The following IRF2 variants were observed in gnomAD, a reference collection of about 807,000 sequenced individuals.
IRF2 encodes the protein interferon regulatory factor 2.
In IRF2, 15 loss-of-function variants were observed where a neutral mutation model predicts 40.6. The ratio of observed to expected loss-of-function variants is 0.37; its 90% CI spans 0.25 to 0.57. IRF2 has a LOEUF of 0.57. IRF2 is among the 20% of genes least tolerant of loss of function. The pLI is 0.77. For synonymous variants in IRF2, 151 were observed against 165.5 expected (o/e 0.91, Z 0.67); for missense variants, 317 against 455.7 (o/e 0.70, Z 2.77).
intron 8 of IRF2, among the ~76,000 whole-genome samples, chr4:184,390,115 T>C (rs1290198277): frequency 6.6e-6 from 1 of 152,070 alleles, no homozygotes; most frequent in Non-Finnish European, 1.5e-5. Flanking sequence ...TCTCTCTCTC[T>C]CATTCACTCA....
chr4:184,425,814 TGA>T (rs1026083608), intron 2 of IRF2, among the ~76,000 whole-genome samples: 32 of 152,294 alleles, frequency 2.1e-4, no homozygotes, highest in African/African-American at 7.2e-4. Context: ...GCATCTCAAC[TGA>T]GAGTCCCAGA....
chr4:184,447,213 G>C (rs1738543826), intron 1 of IRF2, among the ~76,000 whole-genome samples: 1 of 152,094 alleles, frequency 6.6e-6, no homozygotes, highest in Non-Finnish European at 1.5e-5. Flanking sequence ...GGGCTCAAAA[G>C]ATAATAGCAA....
intron 1 of IRF2, among the ~76,000 whole-genome samples, chr4:184,461,509 G>A (rs1579114386): frequency 6.6e-6 from 1 of 152,256 alleles, no homozygotes; most frequent in East Asian, 1.9e-4. Context: ...GCTCCTAACT[G>A]TAAGGAATGC....
At chr4:184,425,698 G>A (rs1737643537) in intron 2 of IRF2, among the ~76,000 whole-genome samples, 1 of 152,264 alleles carries the variant, frequency 6.6e-6, no homozygotes, top group African/African-American at 2.4e-5. Context: ...CGCTCAGCAG[G>A]TAAGGACTGC....
In IRF2 at chr4:184,419,569, C is replaced by T. The variant is rs2149900581; in HGVS notation, c.88-1G>A. ...AGGGGATCTGAAAAATCTTCTTTTC[C>T]TGAAAAAAAAAAAAAAAAAAAAGGT... On this transcript the variant is annotated splice_acceptor_variant, in intron 2 of 8. Transcript: ENST00000393593. LOFTEE classifies it high-confidence loss of function. The T allele has an allele frequency of 2.1e-6, 2 of 967,610 alleles. No homozygotes were observed. Among genetic ancestry groups the T allele is most frequent in the South Asian group, 1.6e-5 (1 of 63,172 alleles). 59.9% of individuals were successfully genotyped at this position (967,610 alleles called of 1,614,324 possible).
At chr4:184,473,642 G>A (rs1348745711) in intron 1 of IRF2, among the ~76,000 whole-genome samples, 3 of 147,802 alleles carry the variant, frequency 2.0e-5, no homozygotes, top group Non-Finnish European at 3.0e-5. Context: ...GCCCGGCTCC[G>A]AGCCCGCCCT....
intron 7 of IRF2, among the ~76,000 whole-genome samples, chr4:184,391,741 C>T (rs747056704): frequency 5.3e-5 from 8 of 152,216 alleles, no homozygotes; most frequent in South Asian, 2.1e-4. Flanking sequence ...AAATGTGTGT[C>T]GCTTCAAGCC....
intron 7 of IRF2, 44 bp from the exon 8 acceptor site, chr4:184,390,793 CA>C: frequency 6.2e-7 from 1 of 1,604,302 alleles, no homozygotes; most frequent in South Asian, 1.1e-5. Flanking sequence ...TCCTGTCCCT[CA>C]AGCTGTCCCC....
In IRF2 at chr4:184,408,291, G is replaced by C. The variant is rs1190853883; in HGVS notation, c.412-16C>G. 6.8e-7 allele frequency: 1 copy of C among 1,481,184 alleles called. No individual in the cohort carries two copies. The highest frequency in any genetic ancestry group is 1.2e-5 in the South Asian group (1 of 86,844). 91.8% of individuals were successfully genotyped at this position (1,481,184 alleles called of 1,614,324 possible). ...CTGGTTCTTGCTAGGAAGAAGAAAAGAAAAAAGAATTGAGAACACTTCCTT... is the reference window on the plus strand; with the variant it reads ...CTGGTTCTTGCTAGGAAGAAGAAAACAAAAAAGAATTGAGAACACTTCCTT... On this transcript the variant is annotated splice_polypyrimidine_tract_variant and intron_variant, in intron 5 of 8. Transcript: ENST00000393593. This position sits in a 1 kb window ranked among gnomAD's most constrained non-coding sequence, Gnocchi z 4.9.
At position 184,396,389 on chromosome 4, in the gene IRF2, T is replaced by A. The variant is rs550837456; in HGVS notation, c.694+2526A>T. The stretch of plus-strand genomic sequence containing the variant: ...CCAATCGTTCCTCCCTCAGACACGC[T>A]GCTCTACCCACGCCAGCCGCAGATC... On this transcript the variant is annotated intron_variant, in intron 7 of 8. Coordinates refer to ENST00000393593, the MANE Select transcript of IRF2 (RefSeq NM_002199.4). 2.6e-5 allele frequency among the ~76,000 whole-genome samples: 4 copies of A among 151,990 alleles called. No homozygotes were observed. In the South Asian group the frequency reaches 8.3e-4, roughly 32 times the overall value.
At chr4:184,394,713 C>A (rs1363755264) in intron 7 of IRF2, among the ~76,000 whole-genome samples, 1 of 152,118 alleles carries the variant, frequency 6.6e-6, no homozygotes, top group African/African-American at 2.4e-5. Context: ...TCTTACCCAT[C>A]CTCCCCCACC....
In IRF2 at chr4:184,388,032, C is replaced by T. The variant is rs1179922324; in HGVS notation, c.*726G>A. The T allele has an allele frequency of 2.0e-5, 3 of 152,592 alleles. No homozygotes were observed. Among genetic ancestry groups the T allele is most frequent in the African/African-American group, 7.2e-5 (3 of 41,448 alleles). The allele number at this position is 152,592 out of a possible 1,614,324, so 9.5% of individuals were successfully genotyped here. A position where few individuals can be genotyped will look rare whatever the true frequency, so the allele number is the denominator to read the frequency against. ...TTTTGTCTTCAAATCTGGGAATTTG[C>T]ATAATATTTCCATGATACTTTTTCC... On this transcript the variant is annotated 3_prime_UTR_variant, in exon 9 of 9. Transcript: ENST00000393593. This position sits in a 1 kb window ranked among gnomAD's most constrained non-coding sequence, Gnocchi z 4.6.
chr4:184,428,738 G>T (rs1392680674), intron 2 of IRF2: 7 of 556,498 alleles, frequency 1.3e-5, no homozygotes, highest in South Asian at 9.5e-5. Context: ...GGTCGAGGCT[G>T]CAGTGAGTTA....
At chr4:184,471,738 T>C (rs1475141371) in intron 1 of IRF2, among the ~76,000 whole-genome samples, 1 of 152,224 alleles carries the variant, frequency 6.6e-6, no homozygotes, top group Non-Finnish European at 1.5e-5. Flanking sequence ...ATAAAGTGTT[T>C]CAGAAAGTGG....
At chr4:184,414,707 C>T (rs535903851) in intron 5 of IRF2, among the ~76,000 whole-genome samples, 8 of 152,318 alleles carry the variant, frequency 5.3e-5, no homozygotes, top group East Asian at 3.9e-4. Flanking sequence ...TGTTGGGGGA[C>T]ATATAGCATG....
chr4:184,456,719 A>AATT (rs1383814394), intron 1 of IRF2, among the ~76,000 whole-genome samples: 1 of 152,226 alleles, frequency 6.6e-6, no homozygotes, highest in Non-Finnish European at 1.5e-5. Context: ...AGCAAATAAC[A>AATT]ATTGGAGGAC....
chr4:184,473,011 C>G (rs1739571205), intron 1 of IRF2, among the ~76,000 whole-genome samples: 1 of 152,172 alleles, frequency 6.6e-6, no homozygotes, highest in Non-Finnish European at 1.5e-5. Flanking sequence ...ACCCTTGGAA[C>G]TTGGAACGGC....
intron 2 of IRF2, among the ~76,000 whole-genome samples, chr4:184,425,781 G>T (rs1045310167): frequency 3.3e-5 from 5 of 152,176 alleles, no homozygotes; most frequent in Non-Finnish European, 7.3e-5. Context: ...AGAAAAACAT[G>T]GACAAAATAG....
chr4:184,444,983 C>T (rs1338643965), intron 1 of IRF2, among the ~76,000 whole-genome samples: 1 of 152,154 alleles, frequency 6.6e-6, no homozygotes, highest in Non-Finnish European at 1.5e-5. Context: ...AATCAAGGAC[C>T]ACGCGCAAAC....
Sources: gnomAD v4.1 joint callset for allele counts (sites outside exome capture counted in the v4.1 genomes callset) on GRCh38, gnomAD v4.1.1 for gene constraint, Gnocchi (gnomAD v3.1) non-coding constraint, MANE v1.5 for transcripts, NCBI Gene and HGNC (gene_info 2026-07-23, HGNC 2026-07-21) for gene names.